Variants in VWA3B observed in about 807,000 individuals in gnomAD.
The protein encoded by VWA3B is von Willebrand factor A domain containing 3B, also known as von Willebrand factor A domain-containing protein 3B.
Under a neutral mutation model 158.3 loss-of-function variants are expected in VWA3B, and 138 were observed. The ratio of observed to expected loss-of-function variants is 0.87; its 90% CI spans 0.76 to 1.00. VWA3B has a LOEUF of 1.00. Among genes scored for constraint, VWA3B ranks in the 50% least tolerant of loss-of-function variants. VWA3B has a pLI of 0.00. For synonymous variants in VWA3B, 596 were observed against 587.3 expected, an observed-to-expected ratio of 1.01 and a Z score of -0.21; for missense variants, 1,555 against 1,565.1, an observed-to-expected ratio of 0.99 and a Z score of 0.11.
In VWA3B at chr2:98,121,283, A is replaced by T. The variant is rs1056768146; in HGVS notation, c.543-16A>T. Reference sequence around the variant, plus strand: ...CTGATCACTGCCCAGTGACCACTCCATGTGATCCTTTTCAGGGTTTCTCAA... The same window carrying T: ...CTGATCACTGCCCAGTGACCACTCCTTGTGATCCTTTTCAGGGTTTCTCAA... On this transcript the variant is annotated splice_polypyrimidine_tract_variant and intron_variant, in intron 4 of 27. Coordinates refer to ENST00000477737, the MANE Select transcript of VWA3B (RefSeq NM_144992.5). 5.0e-6 allele frequency: 8 copies of T among 1,609,916 alleles called. No homozygotes were observed. The highest frequency in any genetic ancestry group is 6.8e-6 in the Non-Finnish European group (8 of 1,176,468).
At chr2:98,298,077 A>G (rs748523115) in intron 24 of VWA3B, 46 bp downstream of exon 24, 1 of 1,401,438 alleles carries the variant, frequency 7.1e-7, no homozygotes, top group South Asian at 1.7e-5. Flanking sequence ...CACCATCCAC[A>G]GAGTTTTGAA....
At chr2:98,202,362 T>G (rs1682620853) in intron 12 of VWA3B, among the ~76,000 whole-genome samples, 1 of 152,198 alleles carries the variant, frequency 6.6e-6, no homozygotes, top group African/African-American at 2.4e-5. Flanking sequence ...TGTTTGATAT[T>G]GGTAATTTTT....
chr2:98,209,084 T>A (rs1683269666), intron 12 of VWA3B, among the ~76,000 whole-genome samples: 1 of 152,192 alleles, frequency 6.6e-6, no homozygotes, highest in African/African-American at 2.4e-5. Context: ...GAAACTGCTG[T>A]CATTTGAATT....
chr2:98,211,782 A>T, intron 12 of VWA3B, 148 bp from the exon 13 acceptor site: 1 of 673,588 alleles, frequency 1.5e-6, no homozygotes, highest in South Asian at 2.0e-5. Context: ...TCTTGGAATC[A>T]CTGGGGTTAA....
chr2:98,140,792 T>A (rs1355643956), intron 7 of VWA3B, among the ~76,000 whole-genome samples: 12 of 152,206 alleles, frequency 7.9e-5, no homozygotes. Context: ...AATATTAATA[T>A]TCATCTTACC....
At chr2:98,197,109 A>G (rs1682117991) in intron 12 of VWA3B, among the ~76,000 whole-genome samples, 1 of 152,182 alleles carries the variant, frequency 6.6e-6, no homozygotes, top group Non-Finnish European at 1.5e-5. Flanking sequence ...GTCTCTTCCA[A>G]TCTGTGACAG....
At chr2:98,115,555 T>C (rs1002184142) in intron 2 of VWA3B, 97 bp from the exon 3 acceptor site, 3 of 865,024 alleles carry the variant, frequency 3.5e-6, no homozygotes, top group Admixed American at 2.1e-5. Flanking sequence ...GCACAAGATA[T>C]AATTTGAATG....
At chr2:98,282,699 A>G (rs974543082) in intron 22 of VWA3B, among the ~76,000 whole-genome samples, 1 of 152,120 alleles carries the variant, frequency 6.6e-6, no homozygotes, top group Non-Finnish European at 1.5e-5. Flanking sequence ...TCAGCCACCA[A>G]AAGTGCTGGG....
chr2:98,284,628 C>T (rs756452519), intron 22 of VWA3B, among the ~76,000 whole-genome samples: 2 of 152,092 alleles, frequency 1.3e-5, no homozygotes, highest in Non-Finnish European at 2.9e-5. Context: ...AGCTATATAG[C>T]TATATCACTG....
In VWA3B at chr2:98,298,440, T is replaced by TGCCA. The variant is rs1558773859; in HGVS notation, c.3282+409_3282+410insGCCA. The stretch of plus-strand genomic sequence containing the variant: ...TTCTATTCTATTCTATTCTATTCTA[T>TGCCA]TCTATGCCATGCCATGCCATGCCAT... On this transcript the variant is annotated intron_variant, in intron 24 of 27. Coordinates refer to ENST00000477737, the MANE Select transcript of VWA3B (RefSeq NM_144992.5). 3.5e-3 allele frequency among the ~76,000 whole-genome samples: 492 copies of TGCCA among 140,880 alleles called. 3 individuals are homozygous for TGCCA. Among genetic ancestry groups the TGCCA allele is most frequent in the African/African-American group, 0.012 (465 of 39,078 alleles). The allele number at this position is 140,880 out of a possible 152,430, so 92.4% of individuals were successfully genotyped here.
intron 7 of VWA3B, among the ~76,000 whole-genome samples, chr2:98,159,479 C>A (rs1286853910): frequency 6.6e-6 from 1 of 152,002 alleles, no homozygotes; most frequent in African/African-American, 2.4e-5. Context: ...AAACACCAGA[C>A]CTCAGGTGAT....
intron 21 of VWA3B, among the ~76,000 whole-genome samples, chr2:98,260,731 G>T (rs1687430743): frequency 6.6e-6 from 1 of 151,616 alleles, no homozygotes; most frequent in African/African-American, 2.4e-5. Flanking sequence ...ATGCATGTAT[G>T]TTTCTAATTT....
At chr2:98,177,997 A>G (rs551838826) in intron 8 of VWA3B, among the ~76,000 whole-genome samples, 1 of 152,292 alleles carries the variant, frequency 6.6e-6, no homozygotes, top group East Asian at 1.9e-4. Context: ...GAGAGGAGAA[A>G]AGGAAAGGTC....
At chr2:98,098,620 T>A (rs1246089905) in intron 2 of VWA3B, among the ~76,000 whole-genome samples, 2 of 152,126 alleles carry the variant, frequency 1.3e-5, no homozygotes, top group Admixed American at 1.3e-4. Context: ...GAAGTTAATC[T>A]CTTGTAGGCA....
intron 19 of VWA3B, among the ~76,000 whole-genome samples, chr2:98,241,575 G>T (rs1686075588): frequency 1.3e-5 from 2 of 151,832 alleles, no homozygotes; most frequent in South Asian, 2.1e-4. Flanking sequence ...AGAGAAAAAT[G>T]CCAAGAGTGA....
At chr2:98,290,759 A>G (rs1689444802) in intron 23 of VWA3B, 137 bp downstream of exon 23, 1 of 657,032 alleles carries the variant, frequency 1.5e-6, no homozygotes, top group African/African-American at 1.9e-5. Context: ...TTCACAGAGA[A>G]GAAGTGGAAT....
intron 19 of VWA3B, among the ~76,000 whole-genome samples, chr2:98,241,124 G>C (rs1012769835): frequency 6.6e-6 from 1 of 152,112 alleles, no homozygotes; most frequent in African/African-American, 2.4e-5. Context: ...GCCACAGAAG[G>C]CTTGCCTTAG....
At position 98,121,415 on chromosome 2, in the gene VWA3B, C is replaced by T. The variant is rs1374357650; in HGVS notation, c.659C>T (p.Ala220Val). 2 of 1,614,200 alleles carry T rather than the reference C, an allele frequency of 1.2e-6. No homozygotes were observed. The highest frequency in any genetic ancestry group is 2.2e-5 in the East Asian group (1 of 44,890). The change falls in exon 5 of 28, where the codon GCT becomes GTT. Residue 220 changes from alanine (A) to valine (V), a missense_variant. Coordinates refer to ENST00000477737, the MANE Select transcript of VWA3B (RefSeq NM_144992.5). ...ACGGTTGAGCTGACTGTGAGCGAGG[C>T]TGGCCGCCTGGATGCTCTGCTGGAA... ...KLTVELTVSE[A>V]GRLDALLEAG...
At chr2:98,141,606 A>G (rs997808195) in intron 7 of VWA3B, among the ~76,000 whole-genome samples, 1 of 152,182 alleles carries the variant, frequency 6.6e-6, no homozygotes, top group Non-Finnish European at 1.5e-5. Context: ...TCACATGTCA[A>G]CATGAGATGT....
Sources: gnomAD v4.1 joint callset for allele counts (sites outside exome capture counted in the v4.1 genomes callset) on GRCh38, gnomAD v4.1.1 for gene constraint, MANE v1.5 for transcripts, NCBI Gene and HGNC (gene_info 2026-07-23, HGNC 2026-07-21) for gene names.